Variants in RBM5 observed in about 807,000 individuals in gnomAD.
RBM5 encodes RNA-binding protein 5.
In RBM5, 15 loss-of-function variants were observed where a neutral mutation model predicts 124.6. The observed-to-expected ratio is 0.12, with a 90% CI of 0.08 to 0.19. RBM5 has a LOEUF of 0.19. Ranked by LOEUF, RBM5 falls within the 10% of genes least tolerant of loss-of-function variation. RBM5 has a pLI of 1.00. For missense variants in RBM5, 580 were observed against 1,026.5 expected, an observed-to-expected ratio of 0.57 and a Z score of 5.94; for synonymous variants, 337 against 361.2, an observed-to-expected ratio of 0.93 and a Z score of 0.76.
At chr3:50,113,112 C>G in intron 17 of RBM5, 1 of 230,862 alleles carries the variant, frequency 4.3e-6, no homozygotes, top group Non-Finnish European at 8.5e-6. Flanking sequence ...CCACCACCTC[C>G]CAAAGTGCTA....
In RBM5 at chr3:50,115,985, A is replaced by G. The variant is rs745701676; in HGVS notation, c.2094+5A>G. On this transcript the variant is annotated splice_donor_5th_base_variant and intron_variant, in intron 22 of 24. Coordinates refer to ENST00000347869, the MANE Select transcript of RBM5 (RefSeq NM_005778.4). Reference sequence around the variant, plus strand: ...TTGGAGCTAAGGGAGAGAGAGGTGAATGGGAAACTGTGCCACAAGGAAGAG... The same window carrying G: ...TTGGAGCTAAGGGAGAGAGAGGTGAGTGGGAAACTGTGCCACAAGGAAGAG... The G allele has an allele frequency of 6.2e-7, 1 of 1,609,888 alleles. No individual in the cohort carries two copies. Among genetic ancestry groups the G allele is most frequent in the African/African-American group, 1.3e-5 (1 of 74,924 alleles).
At chr3:50,098,244 T>G (rs2090862821) in intron 4 of RBM5, among the ~76,000 whole-genome samples, 1 of 150,610 alleles carries the variant, frequency 6.6e-6, no homozygotes, top group Non-Finnish European at 1.5e-5. Flanking sequence ...CACTGCCTCT[T>G]TTAAATCTCA....
At chr3:50,114,971 A>C (rs2091217571) in intron 20 of RBM5, 1 of 161,958 alleles carries the variant, frequency 6.2e-6, no homozygotes, top group African/African-American at 2.4e-5. Flanking sequence ...GTTCGAGATC[A>C]GCCTGACCAA....
chr3:50,089,498 G>A (rs2090662806), intron 1 of RBM5, among the ~76,000 whole-genome samples: 1 of 152,256 alleles, frequency 6.6e-6, no homozygotes, highest in South Asian at 2.1e-4. Flanking sequence ...GCTGGAGTCG[G>A]TCGAGCAGGC....
Position 50,113,255 on chromosome 3 carries a change from C to T in RBM5, c.1456-128C>T, listed in dbSNP as rs2091181387. 3.7e-5 allele frequency: 34 copies of T among 910,388 alleles called. No individual in the cohort carries two copies. In the South Asian group the frequency reaches 5.7e-4, roughly 15 times the overall value. 56.4% of individuals were successfully genotyped at this position (910,388 alleles called of 1,614,324 possible). A position where few individuals can be genotyped will look rare whatever the true frequency, so the allele number is the denominator to read the frequency against. ...CACCTTTACTTATACCAAGGTGTGC[C>T]CAGGGTCTTTTCTGGGCAGGAAATA... is the stretch of plus-strand genomic sequence containing the variant. On this transcript the variant is annotated intron_variant, in intron 17 of 24. Coordinates refer to ENST00000347869, the MANE Select transcript of RBM5 (RefSeq NM_005778.4).
chr3:50,092,100 T>A lies in RBM5; in HGVS notation c.75T>A (p.Arg25=), dbSNP rs1482078049. The A allele has an allele frequency of 6.2e-7, 1 of 1,613,670 alleles. No individual in the cohort carries two copies. Among genetic ancestry groups the A allele is most frequent in the African/African-American group, 1.3e-5 (1 of 74,770 alleles). ...RYGSIIDRDD[R]DERESRSRRR... ...GTTCCATCATAGACAGGGATGACCG[T>A]GATGAGCGTGAATCCCGAAGCAGGC... The change falls in exon 3 of 25, where the codon CGT becomes CGA. Residue 25 remains arginine, a synonymous_variant. Transcript: ENST00000347869.
chr3:50,097,147 G>A (rs529840727), intron 4 of RBM5, among the ~76,000 whole-genome samples: 3 of 152,260 alleles, frequency 2.0e-5, no homozygotes, highest in African/African-American at 7.2e-5. Context: ...TGTAATCCCA[G>A]CACTTTAGGA....
chr3:50,094,899 A>G (rs574043036), intron 4 of RBM5, among the ~76,000 whole-genome samples: 2 of 152,304 alleles, frequency 1.3e-5, no homozygotes, highest in East Asian at 3.9e-4. Flanking sequence ...TAGGTTCAGA[A>G]GTAAGTTACC....
Position 50,113,386 on chromosome 3 carries a change from T to C in RBM5, c.1459T>C (p.Tyr487His). Residue 487 changes from tyrosine (Y) to histidine (H), a missense_variant, in exon 18 of 25, where the codon TAC (tyrosine) becomes CAC (histidine). Transcript: ENST00000347869. Reference sequence around the variant, plus strand: ...TTTTTTGTTTGTTGTTTTCTAGTACTACTATAATTCCTTGACCCAGCAGTA... The same window carrying C: ...TTTTTTGTTTGTTGTTTTCTAGTACCACTATAATTCCTTGACCCAGCAGTA... ...GLYYDPNSQY[Y>H]YNSLTQQYLY... 6.2e-7 allele frequency: 1 copy of C among 1,606,618 alleles called. No individual in the cohort carries two copies. The highest frequency in any genetic ancestry group is 8.5e-7 in the Non-Finnish European group (1 of 1,177,626).
chr3:50,092,237 C>G, intron 3 of RBM5, 29 bp downstream of exon 3: 1 of 1,604,228 alleles, frequency 6.2e-7, no homozygotes, highest in South Asian at 1.1e-5. Flanking sequence ...TATAACCCCC[C>G]AAAACACTCT....
Position 50,090,400 on chromosome 3 carries a change from CT to C in RBM5, c.-31del. Reference sequence around the variant, plus strand: ...CTCCTAGAAAAAATAAAATTTGAACCTTTTGGAGCTGTGTGCTAAATCTTCA... The same window carrying C: ...CTCCTAGAAAAAATAAAATTTGAACCTTTGGAGCTGTGTGCTAAATCTTCA... On this transcript the variant is annotated 5_prime_UTR_variant, in exon 2 of 25. Transcript: ENST00000347869. 6.2e-7 allele frequency: 1 copy of C among 1,612,780 alleles called. No individual in the cohort carries two copies. Among genetic ancestry groups the C allele is most frequent in the Non-Finnish European group, 8.5e-7 (1 of 1,179,436 alleles).
chr3:50,110,497 G>C, intron 16 of RBM5, 34 bp downstream of exon 16: 1 of 1,586,620 alleles, frequency 6.3e-7, no homozygotes, highest in Non-Finnish European at 8.7e-7. Context: ...TTGACAGTTG[G>C]AAGGTCTTAG....
At chr3:50,110,808 T>G in intron 17 of RBM5, 38 bp downstream of exon 17, 1 of 1,469,684 alleles carries the variant, frequency 6.8e-7, no homozygotes. Context: ...TCACTAGAAG[T>G]AGTTTCGCTT....
intron 10 of RBM5, 52 bp from the exon 11 acceptor site, chr3:50,106,715 G>A (rs2091040065): frequency 1.6e-6 from 2 of 1,284,102 alleles, no homozygotes; most frequent in Non-Finnish European, 1.1e-6. Flanking sequence ...TGGATGGTAG[G>A]GAGAGATTTT....
At chr3:50,118,211 T>C in intron 24 of RBM5, 120 bp from the exon 25 acceptor site, 6 of 1,340,364 alleles carry the variant, frequency 4.5e-6, no homozygotes, top group Non-Finnish European at 6.1e-6. Flanking sequence ...CTTGTCTTCA[T>C]ATACAGTTTT....
At chr3:50,104,194 T>G (rs1163667527) in intron 7 of RBM5, 54 bp from the exon 8 acceptor site, 9 of 1,510,272 alleles carry the variant, frequency 6.0e-6, no homozygotes, top group Non-Finnish European at 7.3e-6. Context: ...TTATTGTTAC[T>G]AGAAAGCCTG....
At chr3:50,108,442 C>T in intron 14 of RBM5, 138 bp downstream of exon 14, 1 of 849,448 alleles carries the variant, frequency 1.2e-6, no homozygotes, top group Non-Finnish European at 1.9e-6. Flanking sequence ...GGCACGGTGG[C>T]TCACGCCTGT....
Position 50,100,626 on chromosome 3 carries a change from T to C in RBM5, c.483+21T>C. ...ATCAGGTTGCTTCACTCACCAAGTC[T>C]AGATATTCATGAAAATGGAACAAGT... On this transcript the variant is annotated intron_variant, in intron 6 of 24. Coordinates refer to ENST00000347869, the MANE Select transcript of RBM5 (RefSeq NM_005778.4). This position sits in a 1 kb window ranked among gnomAD's most constrained non-coding sequence, Gnocchi z 5.1. 6.4e-7 allele frequency: 1 copy of C among 1,564,194 alleles called. No homozygotes were observed. The highest frequency in any genetic ancestry group is 1.1e-5 in the South Asian group (1 of 89,880).
rs189574271 is a variant in RBM5 at position 50,106,681 on chromosome 3, A to G, written c.856-86A>G. On this transcript the variant is annotated intron_variant, in intron 10 of 24. Coordinates refer to ENST00000347869, the MANE Select transcript of RBM5 (RefSeq NM_005778.4). Reference sequence around the variant, plus strand: ...AATTAATTGCCTTTTATTTTTTAATAGAAAACTACTTCTTTGAATGGGGTG... The same window carrying G: ...AATTAATTGCCTTTTATTTTTTAATGGAAAACTACTTCTTTGAATGGGGTG... 327 of 971,814 alleles carry G rather than the reference A, an allele frequency of 3.4e-4. 3 individuals carry two copies. In the Admixed American group the frequency reaches 4.1e-3, roughly 12 times the overall value. 60.2% of individuals were successfully genotyped at this position (971,814 alleles called of 1,614,324 possible).
Sources: allele counts gnomAD v4.1 joint callset (sites outside exome capture counted in the v4.1 genomes callset), GRCh38; gene constraint gnomAD v4.1.1; non-coding constraint Gnocchi (gnomAD v3.1); transcripts MANE v1.5; gene names NCBI Gene and HGNC (gene_info 2026-07-23, HGNC 2026-07-21).